CFAP20DC: variants seen among roughly 807,000 people sequenced by gnomAD.
The protein encoded by CFAP20DC is protein CFAP20DC.
Under a neutral mutation model 101.7 loss-of-function variants are expected in CFAP20DC, and 84 were observed. That is an observed-to-expected ratio of 0.83 (90% CI 0.69 to 0.99). The LOEUF (loss-of-function observed/expected upper bound fraction) is 0.99, where lower values mean the gene tolerates loss of function less well. Among genes scored for constraint, CFAP20DC ranks in the 50% least tolerant of loss-of-function variants. CFAP20DC has a pLI of 0.00. For missense variants in CFAP20DC, 1,007 were observed against 970.3 expected (o/e 1.04, Z -0.50); for synonymous variants, 359 against 351.2 (o/e 1.02, Z -0.25).
intron 4 of CFAP20DC, among the ~76,000 whole-genome samples, chr3:59,009,600 T>C (rs186258406): frequency 4.6e-5 from 7 of 152,104 alleles, no homozygotes; most frequent in Non-Finnish European, 5.9e-5. Context: ...AGAAGAACAA[T>C]TGGTGTTCCC....
intron 13 of CFAP20DC, among the ~76,000 whole-genome samples, chr3:58,842,138 A>G (rs144408530): frequency 1.1e-3 from 174 of 152,342 alleles, no homozygotes; most frequent in Non-Finnish European, 2.0e-3. Flanking sequence ...AGCATTCCTT[A>G]AGAATTACCA....
intron 15 of CFAP20DC, among the ~76,000 whole-genome samples, chr3:58,801,602 T>A (rs1392110845): frequency 6.6e-6 from 1 of 151,942 alleles, no homozygotes; most frequent in Non-Finnish European, 1.5e-5. Flanking sequence ...GCCCATCAGG[T>A]TGCATCGTGA....
intron 4 of CFAP20DC, among the ~76,000 whole-genome samples, chr3:58,972,972 C>T (rs1332768248): frequency 6.6e-6 from 1 of 152,128 alleles, no homozygotes; most frequent in East Asian, 1.9e-4. Context: ...TTCCTTTTCT[C>T]TAAAACTGGA....
rs1225614572 is a variant in CFAP20DC at position 58,753,788 on chromosome 3, A to G, written c.2313T>C (p.Cys771=). Residue 771 remains cysteine (C), a synonymous_variant, in exon 16 of 17, where the codon TGT becomes TGC. Coordinates refer to ENST00000482387, the MANE Select transcript of CFAP20DC (RefSeq NM_001394063.1). The part of the protein sequence containing the change: ...QQPAEQRPDS[C]ESLSVQGEED... ...TCCCACCTTGAACACTCAAACTTTCACAGGAATCTGGACGCTGCTCAGCCG... is the reference window on the plus strand; with the variant it reads ...TCCCACCTTGAACACTCAAACTTTCGCAGGAATCTGGACGCTGCTCAGCCG... The G allele has an allele frequency of 2.5e-6, 4 of 1,611,996 alleles. No individual in the cohort carries two copies. Among genetic ancestry groups the G allele is most frequent in the Non-Finnish European group, 3.4e-6 (4 of 1,178,866 alleles).
intron 5 of CFAP20DC, among the ~76,000 whole-genome samples, chr3:58,917,577 C>T (rs2084874250): frequency 1.3e-5 from 2 of 152,142 alleles, no homozygotes. Context: ...TTCTCACTCC[C>T]ATAATGGTAT....
intron 4 of CFAP20DC, among the ~76,000 whole-genome samples, chr3:58,938,943 A>G (rs1488689468): frequency 6.6e-6 from 1 of 152,220 alleles, no homozygotes; most frequent in African/African-American, 2.4e-5. Context: ...AAGGTTTAAA[A>G]TGCAGAAGTA....
At chr3:59,049,022 C>CA (rs1700103068) in intron 1 of CFAP20DC, among the ~76,000 whole-genome samples, 1 of 152,152 alleles carries the variant, frequency 6.6e-6, no homozygotes, top group African/African-American at 2.4e-5. Flanking sequence ...AAGTGACCCC[C>CA]ATCCAGAGAT....
intron 15 of CFAP20DC, among the ~76,000 whole-genome samples, chr3:58,780,468 T>C (rs1288744295): frequency 1.3e-5 from 2 of 151,942 alleles, no homozygotes; most frequent in Non-Finnish European, 2.9e-5. Context: ...TGTGAATGAA[T>C]TAATGTTTCC....
At chr3:59,030,118 C>T (rs905458714) in intron 4 of CFAP20DC, among the ~76,000 whole-genome samples, 1 of 152,168 alleles carries the variant, frequency 6.6e-6, no homozygotes, top group African/African-American at 2.4e-5. Flanking sequence ...AATGCCTCTC[C>T]CATTCTGACA....
rs527991177 is a variant in CFAP20DC, at chr3:58,765,565, A to T, written c.2238-11702T>A. Reference sequence around the variant, plus strand: ...TCCATTTGTTCCTGTGAAGGAATTTACTTGCAAAAGAGCTATCTACAATCT... The same window carrying T: ...TCCATTTGTTCCTGTGAAGGAATTTTCTTGCAAAAGAGCTATCTACAATCT... On this transcript the variant is annotated intron_variant, in intron 15 of 16. Transcript: ENST00000482387. Among the ~76,000 whole-genome samples, 51 of 151,550 alleles carry T rather than the reference A, an allele frequency of 3.4e-4. No individual in the cohort carries two copies. In the South Asian group the frequency reaches 0.011, roughly 32 times the overall value.
chr3:58,974,922 G>A (rs996792656), intron 4 of CFAP20DC, among the ~76,000 whole-genome samples: 1 of 152,108 alleles, frequency 6.6e-6, no homozygotes, highest in African/African-American at 2.4e-5. Context: ...CCTCTGTATG[G>A]AAGCACCGAA....
At position 58,861,427 on chromosome 3, in the gene CFAP20DC, A is replaced by C; in HGVS notation, c.1593+2131T>G. ...TAATTAACTAAACTGATTTTTCTTCAAAGACTATATGTAAATAAACATTGT... is the reference window on the plus strand; with the variant it reads ...TAATTAACTAAACTGATTTTTCTTCCAAGACTATATGTAAATAAACATTGT... On this transcript the variant is annotated intron_variant, in intron 12 of 16. Coordinates refer to ENST00000482387, the MANE Select transcript of CFAP20DC (RefSeq NM_001394063.1). This position sits in a 1 kb window ranked among gnomAD's most constrained non-coding sequence, Gnocchi z 4.0. The C allele has an allele frequency of 1.2e-6, 1 of 859,368 alleles. No individual in the cohort carries two copies. The highest frequency in any genetic ancestry group is 1.4e-6 in the Non-Finnish European group (1 of 715,216). The allele number at this position is 859,368 out of a possible 1,614,324, so 53.2% of individuals were successfully genotyped here. A position where few individuals can be genotyped will look rare whatever the true frequency, so the allele number is the denominator to read the frequency against.
intron 15 of CFAP20DC, among the ~76,000 whole-genome samples, chr3:58,787,921 A>C (rs1179587703): frequency 6.7e-6 from 1 of 150,018 alleles, no homozygotes; most frequent in Admixed American, 6.7e-5. Flanking sequence ...CTCACTCATA[A>C]GTGGGAGTTG....
chr3:59,013,455 T>C (rs1040963970), intron 4 of CFAP20DC, among the ~76,000 whole-genome samples: 10 of 152,296 alleles, frequency 6.6e-5, no homozygotes, highest in African/African-American at 2.4e-4. Flanking sequence ...CAGCATCATA[T>C]AATTGAAAAA....
intron 14 of CFAP20DC, among the ~76,000 whole-genome samples, chr3:58,811,272 G>C (rs2074604896): frequency 6.6e-6 from 1 of 152,104 alleles, no homozygotes; most frequent in African/African-American, 2.4e-5. Context: ...AAAGAACAAA[G>C]CTGGAGGCAT....
At chr3:59,032,026 A>G (rs1471574524) in intron 4 of CFAP20DC, among the ~76,000 whole-genome samples, 2 of 152,214 alleles carry the variant, frequency 1.3e-5, no homozygotes, top group African/African-American at 4.8e-5. Context: ...TGGTTGTACA[A>G]TGGGTGCAGC....
At chr3:58,931,947 A>C (rs2086763697) in intron 5 of CFAP20DC, among the ~76,000 whole-genome samples, 1 of 152,258 alleles carries the variant, frequency 6.6e-6, no homozygotes, top group Admixed American at 6.5e-5. Flanking sequence ...GAGTTGAGGA[A>C]GAAGGCTTCA....
chr3:58,941,967 G>T (rs2088668077), intron 4 of CFAP20DC, among the ~76,000 whole-genome samples: 1 of 152,164 alleles, frequency 6.6e-6, no homozygotes, highest in Non-Finnish European at 1.5e-5. Flanking sequence ...GGGAGAAAGT[G>T]TTCATTATGA....
At chr3:58,952,492 C>T (rs2090226049) in intron 4 of CFAP20DC, among the ~76,000 whole-genome samples, 3 of 152,126 alleles carry the variant, frequency 2.0e-5, no homozygotes, top group Admixed American at 6.6e-5. Flanking sequence ...CCATCATCAA[C>T]TTGGGTGGCT....
Sources: gnomAD v4.1 joint callset for allele counts (sites outside exome capture counted in the v4.1 genomes callset) on GRCh38, gnomAD v4.1.1 for gene constraint, Gnocchi (gnomAD v3.1) non-coding constraint, MANE v1.5 for transcripts, NCBI Gene and HGNC (gene_info 2026-07-23, HGNC 2026-07-21) for gene names.